Variants in COL19A1 observed in about 807,000 individuals in gnomAD.
COL19A1 encodes the protein collagen type XIX alpha 1 chain.
In COL19A1, 159 loss-of-function variants were observed where a neutral mutation model predicts 190.2. That is an observed-to-expected ratio of 0.84 (90% CI 0.73 to 0.95). The LOEUF (loss-of-function observed/expected upper bound fraction) is 0.95, where lower values mean the gene tolerates loss of function less well. Ranked by LOEUF, COL19A1 falls within the 40% of genes least tolerant of loss-of-function variation. The pLI is 0.00. For synonymous variants in COL19A1, 509 were observed against 458.9 expected (o/e 1.11, Z -1.39); for missense variants, 1,418 against 1,431.9 (o/e 0.99, Z 0.16).
intron 14 of COL19A1, among the ~76,000 whole-genome samples, chr6:70,050,283 A>C (rs1780136609): frequency 6.6e-6 from 1 of 152,080 alleles, no homozygotes; most frequent in South Asian, 2.1e-4. Flanking sequence ...TATCAATAGC[A>C]ATGAGCCTAA....
intron 17 of COL19A1, among the ~76,000 whole-genome samples, chr6:70,129,002 G>T (rs1232403689): frequency 6.6e-6 from 1 of 152,114 alleles, no homozygotes; most frequent in Non-Finnish European, 1.5e-5. Context: ...ACTAACAGGA[G>T]GCTTTTAGAA....
chr6:70,045,502 T>A (rs954173538), intron 14 of COL19A1, among the ~76,000 whole-genome samples: 3 of 152,154 alleles, frequency 2.0e-5, no homozygotes, highest in East Asian at 1.9e-4. Context: ...AATTCCATTT[T>A]TTCTGAAGAG....
rs544955467 is a variant in COL19A1, at chr6:70,121,889, G to A, written c.1288G>A (p.Gly430Arg). Residue 430 changes from glycine (G) to arginine (R), a missense_variant, in exon 17 of 51, where the codon GGA (glycine) becomes AGA (arginine). By Grantham distance (125) the Gly-to-Arg change is moderately radical. Transcript: ENST00000620364. ...PGPPGPPGPP[G>R]IQGIHQTLGG... ...TTTGTTTATAATACAGGGACCTCCT[G>A]GAATACAAGGAATACACCAAACTCT... 11 of 1,577,346 alleles carry A rather than the reference G, an allele frequency of 7.0e-6. No individual in the cohort carries two copies. The Admixed American group carries it at 1.5e-4, about 21-fold the overall frequency.
intron 11 of COL19A1, among the ~76,000 whole-genome samples, chr6:70,020,430 T>G (rs977968847): frequency 6.6e-6 from 1 of 152,128 alleles, no homozygotes; most frequent in Non-Finnish European, 1.5e-5. Flanking sequence ...TTCACCTATA[T>G]TTTCTTCTGG....
intron 40 of COL19A1, among the ~76,000 whole-genome samples, chr6:70,169,841 A>G (rs1022893151): frequency 6.6e-6 from 1 of 152,154 alleles, no homozygotes; most frequent in Non-Finnish European, 1.5e-5. Context: ...AGCTTCTCTG[A>G]ATCATTTAAA....
chr6:70,117,951 G>T (rs1353844643), intron 16 of COL19A1, among the ~76,000 whole-genome samples: 2 of 152,232 alleles, frequency 1.3e-5, no homozygotes, highest in African/African-American at 4.8e-5. Context: ...GCCCTCTGCA[G>T]TTGGCCTCTC....
At chr6:70,112,407 T>A (rs930179732) in intron 16 of COL19A1, among the ~76,000 whole-genome samples, 1 of 152,154 alleles carries the variant, frequency 6.6e-6, no homozygotes, top group African/African-American at 2.4e-5. Flanking sequence ...TGACAAATAA[T>A]ATTTTTCCTT....
rs1280359523 is a variant in COL19A1, at chr6:70,168,050, G to A, written c.2471G>A (p.Gly824Asp). The change falls in exon 38 of 51, where the codon GGC becomes GAC. Residue 824 changes from glycine (G) to aspartate (D), a missense_variant. By Grantham distance (94) the Gly-to-Asp change is moderately conservative (BLOSUM62 -1). Coordinates refer to ENST00000620364, the MANE Select transcript of COL19A1 (RefSeq NM_001858.6). ...GGTATTCCATTTAATGAACGAAACG[G>A]CATGAGCAGTTTATATAAAATTAAG... ...PPGIPFNERNGMSSLYKIKGG... is the reference protein window; with the variant it reads ...PPGIPFNERNDMSSLYKIKGG... 6.3e-7 allele frequency: 1 copy of A among 1,597,056 alleles called. No individual in the cohort carries two copies. The highest frequency in any genetic ancestry group is 8.6e-7 in the Non-Finnish European group (1 of 1,169,494).
chr6:70,078,726 C>T (rs1782046197), intron 15 of COL19A1, among the ~76,000 whole-genome samples: 2 of 152,126 alleles, frequency 1.3e-5, no homozygotes, highest in Admixed American at 6.5e-5. Flanking sequence ...TCCTTGATGG[C>T]TTTTGAGTGA....
At chr6:70,195,316 T>G (rs1280233740) in intron 48 of COL19A1, among the ~76,000 whole-genome samples, 1 of 152,100 alleles carries the variant, frequency 6.6e-6, no homozygotes, top group African/African-American at 2.4e-5. Flanking sequence ...AGCAGGGTTT[T>G]AAAAACCGAT....
chr6:69,899,641 T>C (rs145734417), intron 3 of COL19A1, among the ~76,000 whole-genome samples: 1 of 152,324 alleles, frequency 6.6e-6, no homozygotes, highest in East Asian at 1.9e-4. Flanking sequence ...ACCACCCAGA[T>C]AAAGACAAGA....
intron 44 of COL19A1, among the ~76,000 whole-genome samples, chr6:70,183,021 G>T (rs1044143419): frequency 2.6e-5 from 4 of 152,146 alleles, no homozygotes; most frequent in Non-Finnish European, 5.9e-5. Flanking sequence ...AGTGAAAGAA[G>T]AATGGAGGTT....
At chr6:69,988,743 C>G (rs1412876391) in intron 11 of COL19A1, among the ~76,000 whole-genome samples, 1 of 152,174 alleles carries the variant, frequency 6.6e-6, no homozygotes, top group African/African-American at 2.4e-5. Context: ...GTTCAATCAT[C>G]ATCTCTCAAG....
chr6:70,050,013 A>G lies in COL19A1; in HGVS notation c.1170+14074A>G, dbSNP rs555829436. ...ATTAACTGATTTTAACAAACCAAAA[A>G]CCCATGCAGCTTAGCTCAGGAATTA... On this transcript the variant is annotated intron_variant, in intron 14 of 50. Coordinates refer to ENST00000620364, the MANE Select transcript of COL19A1 (RefSeq NM_001858.6). 9.2e-4 allele frequency among the ~76,000 whole-genome samples: 140 copies of G among 151,654 alleles called. 1 individual carries two copies. The highest frequency in any genetic ancestry group is 3.4e-3 in the Middle Eastern group (1 of 294).
chr6:69,992,483 G>GA (rs1009386342), intron 11 of COL19A1, among the ~76,000 whole-genome samples: 39 of 150,504 alleles, frequency 2.6e-4, no homozygotes, highest in African/African-American at 7.3e-4. Context: ...TTTAAAAAAA[G>GA]AAAAAAAAAT....
chr6:70,132,758 C>T (rs1785603454), intron 18 of COL19A1, among the ~76,000 whole-genome samples: 3 of 152,084 alleles, frequency 2.0e-5, no homozygotes, highest in Non-Finnish European at 4.4e-5. Context: ...TAATACACAA[C>T]CAGGGCTAAG....
Position 70,211,500 on chromosome 6 carries a change from A to G in COL19A1, c.*4226A>G, listed in dbSNP as rs967221668. Among the ~76,000 whole-genome samples the G allele has an allele frequency of 4.6e-4, 69 of 150,912 alleles. No homozygotes were observed. Among genetic ancestry groups the G allele is most frequent in the African/African-American group, 1.6e-3 (65 of 41,036 alleles). ...TCCCCCTTTTGTACCATCTCTGCTC[A>G]CAAAGATTATATGCAGGCTTTGAAG... On this transcript the variant is annotated 3_prime_UTR_variant, in exon 51 of 51. Transcript: ENST00000620364.
chr6:69,885,186 C>A (rs1413333991), intron 2 of COL19A1, among the ~76,000 whole-genome samples: 3 of 152,060 alleles, frequency 2.0e-5, no homozygotes, highest in Non-Finnish European at 4.4e-5. Context: ...TTCAGTACCC[C>A]CCACCACCTC....
chr6:69,999,621 G>T (rs894672613), intron 11 of COL19A1, among the ~76,000 whole-genome samples: 1 of 152,050 alleles, frequency 6.6e-6, no homozygotes, highest in Non-Finnish European at 1.5e-5. Context: ...TAAGAGGAAG[G>T]GATGGAATGA....
Sources: allele counts gnomAD v4.1 joint callset (sites outside exome capture counted in the v4.1 genomes callset), GRCh38; gene constraint gnomAD v4.1.1; transcripts MANE v1.5; gene names NCBI Gene and HGNC (gene_info 2026-07-23, HGNC 2026-07-21).